The following FGF14 variants were observed in gnomAD, a reference collection of about 807,000 sequenced individuals.
The protein encoded by FGF14 is fibroblast growth factor 14, also known as fibroblast growth factor homologous factor 4.
FGF14 carries 5 observed loss-of-function variants against 25.5 expected under a neutral mutation model. The ratio of observed to expected loss-of-function variants is 0.20; its 90% CI spans 0.10 to 0.41. The LOEUF is 0.41. Among genes scored for constraint, FGF14 ranks in the 10% least tolerant of loss-of-function variants. FGF14 has a pLI of 1.00. For synonymous variants in FGF14, 138 were observed against 118.3 expected (o/e 1.17, Z -1.08); for missense variants, 222 against 320.1 (o/e 0.69, Z 2.34).
chr13:102,262,258 A>C (rs1350481894), intron 1 of FGF14, among the ~76,000 whole-genome samples: 6 of 152,204 alleles, frequency 3.9e-5, no homozygotes, highest in Non-Finnish European at 4.4e-5. Context: ...TTAGGTATTC[A>C]GGTTAAATAC....
chr13:101,924,824 A>G (rs1489830283), intron 1 of FGF14, among the ~76,000 whole-genome samples: 1 of 152,200 alleles, frequency 6.6e-6, no homozygotes. Flanking sequence ...CTATCACACT[A>G]TCTGCCACCC....
intron 1 of FGF14, among the ~76,000 whole-genome samples, chr13:101,886,999 T>C (rs1339589122): frequency 6.6e-6 from 1 of 152,002 alleles, no homozygotes; most frequent in East Asian, 1.9e-4. Flanking sequence ...TGAGATACTA[T>C]CTCACCCCAG....
chr13:102,134,601 T>G (rs1385435914), intron 1 of FGF14, among the ~76,000 whole-genome samples: 4 of 152,184 alleles, frequency 2.6e-5, no homozygotes, highest in Non-Finnish European at 5.9e-5. Context: ...GGTCACTGTG[T>G]AAACTGACAA....
chr13:101,884,093 G>T (rs906042141), intron 1 of FGF14, among the ~76,000 whole-genome samples: 2 of 106,848 alleles, frequency 1.9e-5, no homozygotes, highest in South Asian at 3.2e-4. Flanking sequence ...AAAAAGACAA[G>T]GAAATGGAGG....
In FGF14 at chr13:102,186,088, A is replaced by G. The variant is rs568995574; in HGVS notation, c.208+215383T>C. On this transcript the variant is annotated intron_variant, in intron 1 of 4. Transcript: ENST00000376131. The stretch of plus-strand genomic sequence containing the variant: ...TCAAAAATTTACCAGCATTAACATG[A>G]TGTGATTTTTTTCCAGGTTAAAAAA... Among the ~76,000 whole-genome samples, 6 of 152,304 alleles carry G rather than the reference A, an allele frequency of 3.9e-5. No individual in the cohort carries two copies. In the South Asian group the frequency reaches 1.2e-3, roughly 32 times the overall value.
At chr13:101,807,495 C>G (rs1016745325) in intron 3 of FGF14, among the ~76,000 whole-genome samples, 10 of 152,080 alleles carry the variant, frequency 6.6e-5, no homozygotes, top group Non-Finnish European at 1.5e-5. Flanking sequence ...TTACGTCCTT[C>G]TATTAAGTGG....
intron 1 of FGF14, among the ~76,000 whole-genome samples, chr13:102,030,185 A>G (rs2041141695): frequency 6.6e-6 from 1 of 152,058 alleles, no homozygotes; most frequent in South Asian, 2.1e-4. Context: ...ATATTTGTCT[A>G]TGGATAATTT....
intron 1 of FGF14, among the ~76,000 whole-genome samples, chr13:102,105,094 A>C (rs920624823): frequency 1.3e-5 from 2 of 152,314 alleles, no homozygotes; most frequent in Non-Finnish European, 2.9e-5. Flanking sequence ...CACTTGCCCC[A>C]CTATTGTGAT....
intron 3 of FGF14, among the ~76,000 whole-genome samples, chr13:101,835,533 C>CT (rs979057721): frequency 2.0e-5 from 3 of 151,996 alleles, no homozygotes; most frequent in African/African-American, 4.8e-5. Context: ...ATCGATATGA[C>CT]TTTTTTTGAT....
At chr13:102,257,767 G>A (rs1166664713) in intron 1 of FGF14, among the ~76,000 whole-genome samples, 3 of 152,130 alleles carry the variant, frequency 2.0e-5, no homozygotes, top group Non-Finnish European at 1.5e-5. Flanking sequence ...CTTCATGCAA[G>A]AACCCAAGCA....
intron 1 of FGF14, among the ~76,000 whole-genome samples, chr13:102,320,439 A>T (rs2138752113): frequency 6.6e-6 from 1 of 152,268 alleles, no homozygotes; most frequent in Non-Finnish European, 1.5e-5. Flanking sequence ...GCTGCACTGG[A>T]GTTGCCATAT....
intron 1 of FGF14, among the ~76,000 whole-genome samples, chr13:102,161,611 AAGAAGAAGAAGAAGAAGAAGAAGAAGAAG>A (rs2047688641): frequency 2.3e-3 from 10 of 4,404 alleles, no homozygotes; most frequent in Non-Finnish European, 3.1e-3. Context: ...GAAGAAGAAG[AAGAAGAAGAAGAAGAAGAAGAAGAAGAAG>A]AAGAAGAAGA....
intron 3 of FGF14, among the ~76,000 whole-genome samples, chr13:101,756,514 C>T (rs1237515384): frequency 6.6e-6 from 1 of 152,110 alleles, no homozygotes; most frequent in Non-Finnish European, 1.5e-5. Context: ...GTGGGCGGAT[C>T]ACGAGGTCAG....
intron 3 of FGF14, among the ~76,000 whole-genome samples, chr13:101,832,339 A>T (rs2042712494): frequency 6.6e-6 from 1 of 152,102 alleles, no homozygotes; most frequent in Non-Finnish European, 1.5e-5. Context: ...GAGAAGCATC[A>T]ATGTGTGAGC....
intron 1 of FGF14, among the ~76,000 whole-genome samples, chr13:101,943,937 G>T (rs1304668392): frequency 6.8e-6 from 1 of 147,982 alleles, no homozygotes; most frequent in Non-Finnish European, 1.5e-5. Context: ...AGGAGGCGGG[G>T]TTGTGGTGAG....
intron 1 of FGF14, among the ~76,000 whole-genome samples, chr13:102,025,704 C>G (rs746449411): frequency 4.6e-5 from 7 of 152,044 alleles, no homozygotes; most frequent in Non-Finnish European, 8.8e-5. Flanking sequence ...CCACTGCACC[C>G]AGACAGTATT....
intron 3 of FGF14, among the ~76,000 whole-genome samples, chr13:101,740,598 G>T (rs759785622): frequency 6.6e-6 from 1 of 152,056 alleles, no homozygotes; most frequent in Non-Finnish European, 1.5e-5. Flanking sequence ...TGTGGAACTG[G>T]ATGACATTTT....
chr13:102,358,885 C>T (rs1441224410), intron 1 of FGF14, among the ~76,000 whole-genome samples: 1 of 152,122 alleles, frequency 6.6e-6, no homozygotes, highest in Non-Finnish European at 1.5e-5. Context: ...TGTGCATCAC[C>T]ACTATTCATA....
At chr13:101,921,125 C>T (rs988809476), upstream of FGF14, among the ~76,000 whole-genome samples, 8 of 151,994 alleles carry the variant, frequency 5.3e-5, no homozygotes, top group African/African-American at 1.9e-4. Flanking sequence ...GGCTTGCCAA[C>T]AGATTTTTAA....
Sources: allele counts gnomAD v4.1 joint callset (sites outside exome capture counted in the v4.1 genomes callset), GRCh38; gene constraint gnomAD v4.1.1; transcripts MANE v1.5; gene names NCBI Gene and HGNC (gene_info 2026-07-23, HGNC 2026-07-21).